The following CUX2 variants were observed in gnomAD, a reference collection of about 807,000 sequenced individuals.
The protein encoded by CUX2 is homeobox protein cut-like 2.
CUX2 carries 40 observed loss-of-function variants against 144.8 expected under a neutral mutation model. The observed-to-expected ratio is 0.28, with a 90% CI of 0.21 to 0.36. CUX2 has a LOEUF of 0.36. Ranked by LOEUF, CUX2 falls within the 10% of genes least tolerant of loss-of-function variation. CUX2 has a pLI of 1.00. For synonymous variants in CUX2, 827 were observed against 875.6 expected (o/e 0.94, Z 0.98); for missense variants, 1,615 against 1,994.0 (o/e 0.81, Z 3.62).
At chr12:111,194,732 G>A (rs769740348) in intron 1 of CUX2, among the ~76,000 whole-genome samples, 70 of 152,356 alleles carry the variant, frequency 4.6e-4, no homozygotes, top group Non-Finnish European at 6.3e-4. Flanking sequence ...TGATGTACCC[G>A]GTGCCCGTCA....
At position 111,263,877 on chromosome 12, in the gene CUX2, G is replaced by C. The variant is rs776548369; in HGVS notation, c.301+38G>C. On this transcript the variant is annotated intron_variant, in intron 4 of 21. Coordinates refer to ENST00000261726, the MANE Select transcript of CUX2 (RefSeq NM_015267.4). This position sits in a 1 kb window ranked among gnomAD's most constrained non-coding sequence, Gnocchi z 4.0. The stretch of plus-strand genomic sequence containing the variant: ...TGGGCTCCGTAATTGAATAGTTAAC[G>C]ACAATAAATAGCCATTAGGACTGTG... The C allele has an allele frequency of 7.7e-6, 12 of 1,552,808 alleles. No homozygotes were observed. The East Asian group carries it at 2.7e-4, about 35-fold the overall frequency.
At chr12:111,270,843 G>T (rs1884612434) in intron 4 of CUX2, among the ~76,000 whole-genome samples, 3 of 152,122 alleles carry the variant, frequency 2.0e-5, no homozygotes, top group South Asian at 2.1e-4. Flanking sequence ...GATCAGGAAG[G>T]TGCTCAGTGC....
At chr12:111,258,150 G>A (rs1883931294) in intron 3 of CUX2, among the ~76,000 whole-genome samples, 2 of 152,176 alleles carry the variant, frequency 1.3e-5, no homozygotes, top group African/African-American at 4.8e-5. Context: ...CCCACTTGAT[G>A]CACGGACAAA....
rs1213325506 is a variant in CUX2 at position 111,295,268 on chromosome 12, G to T, written c.561-65G>T. 2.0e-6 allele frequency: 3 copies of T among 1,509,392 alleles called. No individual in the cohort carries two copies. The highest frequency in any genetic ancestry group is 2.7e-6 in the Non-Finnish European group (3 of 1,103,862). The allele number at this position is 1,509,392 out of a possible 1,614,324, so 93.5% of individuals were successfully genotyped here. A position where few individuals can be genotyped will look rare whatever the true frequency, so the allele number is the denominator to read the frequency against. ...AGGGGTAGGAAGCAAGATGGGGCTCGACTCGGGGGCCCCAGGCAAGGCCTG... is the reference window on the plus strand; with the variant it reads ...AGGGGTAGGAAGCAAGATGGGGCTCTACTCGGGGGCCCCAGGCAAGGCCTG... On this transcript the variant is annotated intron_variant, in intron 6 of 21. Coordinates refer to ENST00000261726, the MANE Select transcript of CUX2 (RefSeq NM_015267.4). This position sits in a 1 kb window ranked among gnomAD's most constrained non-coding sequence, Gnocchi z 5.0.
At chr12:111,298,296 A>G (rs1886115679) in intron 8 of CUX2, among the ~76,000 whole-genome samples, 1 of 152,182 alleles carries the variant, frequency 6.6e-6, no homozygotes, top group South Asian at 2.1e-4. Context: ...AAAGGCTTGG[A>G]GGTGGAGTTC....
intron 18 of CUX2, among the ~76,000 whole-genome samples, chr12:111,324,077 G>A (rs1303621411): frequency 1.3e-5 from 2 of 151,826 alleles, no homozygotes; most frequent in Non-Finnish European, 2.9e-5. Flanking sequence ...TAGGCCGGGT[G>A]TGATGGCTCA....
At chr12:111,291,932 T>C (rs1255955451) in intron 5 of CUX2, among the ~76,000 whole-genome samples, 2 of 152,000 alleles carry the variant, frequency 1.3e-5, no homozygotes, top group African/African-American at 4.8e-5. Context: ...CACCAAGCCC[T>C]GGGATGAGCC....
intron 4 of CUX2, among the ~76,000 whole-genome samples, chr12:111,267,102 G>A (rs985529779): frequency 6.6e-6 from 1 of 151,766 alleles, no homozygotes; most frequent in Non-Finnish European, 1.5e-5. Context: ...GGAAGCTGTG[G>A]TGGGAGAATT....
chr12:111,281,714 G>T (rs1885122477), intron 4 of CUX2, among the ~76,000 whole-genome samples: 1 of 152,218 alleles, frequency 6.6e-6, no homozygotes, highest in Non-Finnish European at 1.5e-5. Flanking sequence ...CCTAGGGGGA[G>T]GGTCTGTGTT....
intron 4 of CUX2, among the ~76,000 whole-genome samples, chr12:111,286,386 C>G (rs900040399): frequency 6.6e-6 from 1 of 152,158 alleles, no homozygotes; most frequent in African/African-American, 2.4e-5. Context: ...AGCTGACACC[C>G]GATCCCTAAA....
In CUX2 at chr12:111,310,940, G is replaced by A. The variant is rs1370958684; in HGVS notation, c.1900+258G>A. Among the ~76,000 whole-genome samples the A allele has an allele frequency of 1.3e-5, 2 of 152,376 alleles. No homozygotes were observed. The highest frequency in any genetic ancestry group is 2.9e-5 in the Non-Finnish European group (2 of 68,034). ...CTGGGGCACTCAGGGTAAGGGTGGC[G>A]GGAAAAGGCTCCAGGCGCTGCCCTG... On this transcript the variant is annotated intron_variant, in intron 15 of 21. Transcript: ENST00000261726. The surrounding 1 kb of genome is among the most constrained non-coding windows in gnomAD (Gnocchi z 7.9).
chr12:111,268,968 C>T (rs966625833), intron 4 of CUX2, among the ~76,000 whole-genome samples: 2 of 152,172 alleles, frequency 1.3e-5, no homozygotes, highest in African/African-American at 4.8e-5. Flanking sequence ...CTGAGATATG[C>T]GTGTGCTTTC....
chr12:111,290,360 C>T (rs1044470900), intron 4 of CUX2, among the ~76,000 whole-genome samples: 1 of 152,188 alleles, frequency 6.6e-6, no homozygotes, highest in Non-Finnish European at 1.5e-5. Flanking sequence ...CTCCCAGGCT[C>T]AAGTGATCCT....
intron 14 of CUX2, among the ~76,000 whole-genome samples, chr12:111,308,759 A>T (rs962595281): frequency 6.6e-6 from 1 of 152,064 alleles, no homozygotes; most frequent in African/African-American, 2.4e-5. Flanking sequence ...CCCCCTAAAG[A>T]GCTCCACTCC....
At chr12:111,204,862 G>A (rs879744181) in intron 1 of CUX2, among the ~76,000 whole-genome samples, 3 of 152,140 alleles carry the variant, frequency 2.0e-5, no homozygotes, top group Admixed American at 2.0e-4. Flanking sequence ...GAAGTTGTTG[G>A]CAGTCTTTTG....
intron 4 of CUX2, among the ~76,000 whole-genome samples, chr12:111,290,466 C>T (rs1414354936): frequency 6.6e-6 from 1 of 152,138 alleles, no homozygotes; most frequent in Non-Finnish European, 1.5e-5. Flanking sequence ...CTTACTCTGT[C>T]CCCCAGGCTG....
intron 1 of CUX2, among the ~76,000 whole-genome samples, chr12:111,128,581 G>T (rs554715723): frequency 6.6e-6 from 1 of 152,112 alleles, no homozygotes; most frequent in Non-Finnish European, 1.5e-5. Context: ...CCCCCTTTAT[G>T]GCTTGGAGGG....
In CUX2 at chr12:111,057,071, AGT is replaced by A. The variant is rs1870561719; in HGVS notation, c.63+22835_63+22836del. 6.6e-6 allele frequency among the ~76,000 whole-genome samples: 1 copy of A among 151,238 alleles called. No individual in the cohort carries two copies. The highest frequency in any genetic ancestry group is 6.6e-5 in the Admixed American group (1 of 15,194). On this transcript the variant is annotated intron_variant, in intron 1 of 21. Transcript: ENST00000261726. This position sits in a 1 kb window ranked among gnomAD's most constrained non-coding sequence, Gnocchi z 5.1. ...AGTGTGACAGGAGATTGTGTGGGGG[AGT>A]GTGACAGGAAGTGGCCAAGTAGGGA... is the stretch of plus-strand genomic sequence containing the variant.
At chr12:111,094,067 G>T (rs183824409) in intron 1 of CUX2, among the ~76,000 whole-genome samples, 2 of 152,236 alleles carry the variant, frequency 1.3e-5, no homozygotes, top group Non-Finnish European at 2.9e-5. Flanking sequence ...ACTTTCAATA[G>T]CAGACAGGCA....
Sources: allele counts gnomAD v4.1 joint callset (sites outside exome capture counted in the v4.1 genomes callset), GRCh38; gene constraint gnomAD v4.1.1; non-coding constraint Gnocchi (gnomAD v3.1); transcripts MANE v1.5; gene names NCBI Gene and HGNC (gene_info 2026-07-23, HGNC 2026-07-21).